WIPF2: variants seen among roughly 807,000 people sequenced by gnomAD.
The protein encoded by WIPF2 is WAS/WASL-interacting protein family member 2.
WIPF2 carries 23 observed loss-of-function variants against 38.8 expected under a neutral mutation model. That is an observed-to-expected ratio of 0.59 (90% CI 0.43 to 0.84). WIPF2 has a LOEUF of 0.84. WIPF2 is among the 40% of genes least tolerant of loss of function. The probability of loss-of-function intolerance (pLI) is 0.00; values close to 1 mark genes in which losing one functional copy is unlikely to be tolerated. For missense variants in WIPF2, 574 were observed against 580.5 expected (o/e 0.99, Z 0.11); for synonymous variants, 210 against 223.2 (o/e 0.94, Z 0.53).
chr17:40,260,725 C>G (rs1413601608), intron 3 of WIPF2, 58 bp downstream of exon 3: 1 of 1,611,356 alleles, frequency 6.2e-7, no homozygotes, highest in Non-Finnish European at 8.5e-7. Flanking sequence ...GACTTGGAGA[C>G]TTGGCTGGGT....
intron 5 of WIPF2, among the ~76,000 whole-genome samples, chr17:40,271,587 A>T (rs1182009973): frequency 6.6e-6 from 1 of 152,192 alleles, no homozygotes; most frequent in Non-Finnish European, 1.5e-5. Context: ...GGTTGGGAAG[A>T]TACTATGCAG....
chr17:40,220,602 TATATATATATATATATGTATATATATA>T lies in WIPF2; in HGVS notation c.-70+1111_-70+1137del, dbSNP rs2030170660. 4.3e-5 allele frequency: 4 copies of T among 94,034 alleles called. No individual in the cohort carries two copies. The South Asian group carries it at 9.0e-4, about 21-fold the overall frequency. The allele number at this position is 94,034 out of a possible 1,614,324, so 5.8% of individuals were successfully genotyped here. A position where few individuals can be genotyped will look rare whatever the true frequency, so the allele number is the denominator to read the frequency against. On this transcript the variant is annotated intron_variant, in intron 1 of 7. Transcript: ENST00000323571. ...ATATATATATATATATATATATATATATATATATATATATATGTATATATATATATTTTTTTGTTGTTGTTGTTGGAG... is the reference window on the plus strand; with the variant it reads ...ATATATATATATATATATATATATATTATTTTTTTGTTGTTGTTGTTGGAG...
rs763539137 is a variant in WIPF2 at position 40,264,590 on chromosome 17, A to T, written c.414A>T (p.Thr138=). The T allele has an allele frequency of 1.9e-6, 3 of 1,614,134 alleles. No homozygotes were observed. ...CCAGCGGGCGTCCTCAGGATGATAC[A>T]GACAGCAGCCGGGCCTCACTCCCAG... ...SAASGRPQDD[T]DSSRASLPEL... is the part of the protein sequence containing the mutation. The change falls in exon 5 of 8, where the codon ACA becomes ACT. Residue 138 remains threonine (T), a synonymous_variant. Coordinates refer to ENST00000323571, the MANE Select transcript of WIPF2 (RefSeq NM_133264.5).
chr17:40,220,631 A>ATATATATTTTT (rs1567705944), intron 1 of WIPF2: 1 of 123,990 alleles, frequency 8.1e-6, no homozygotes, highest in African/African-American at 3.2e-5. Context: ...ATATATATAT[A>ATATATATTTTT]TTTTTTTGTT....
chr17:40,225,863 C>G (rs1381898409), intron 1 of WIPF2, among the ~76,000 whole-genome samples: 1 of 151,928 alleles, frequency 6.6e-6, no homozygotes, highest in Non-Finnish European at 1.5e-5. Context: ...CCATGTTGCC[C>G]AGCCTGGTCT....
At position 40,219,368 on chromosome 17, in the gene WIPF2, TGGCGGCGGCGGCGGCGGCGGCGGCGGC is replaced by T. The variant is rs60253561; in HGVS notation, c.-189_-163del. 2.7e-6 allele frequency: 1 copy of T among 371,842 alleles called. No individual in the cohort carries two copies. The highest frequency in any genetic ancestry group is 5.1e-6 in the Non-Finnish European group (1 of 195,900). 23.0% of individuals were successfully genotyped at this position (371,842 alleles called of 1,614,324 possible). A position where few individuals can be genotyped will look rare whatever the true frequency, so the allele number is the denominator to read the frequency against. On this transcript the variant is annotated 5_prime_UTR_variant, in exon 1 of 8. Coordinates refer to ENST00000323571, the MANE Select transcript of WIPF2 (RefSeq NM_133264.5). The stretch of plus-strand genomic sequence containing the variant: ...ATTTCCGGGTTGGCAAAAGGGGCGG[TGGCGGCGGCGGCGGCGGCGGCGGCGGC>T]GGCGACGGCGAGAAAGAGCTTGCCG...
intron 3 of WIPF2, among the ~76,000 whole-genome samples, chr17:40,261,913 A>ATCCGCCCGCC (rs1248560849): frequency 7.2e-6 from 1 of 138,758 alleles, no homozygotes; most frequent in Non-Finnish European, 1.6e-5. Context: ...TGACCTCATG[A>ATCCGCCCGCC]TCCGCCCGCC....
Position 40,227,384 on chromosome 17 carries a change from A to T in WIPF2, c.-70+7892A>T, listed in dbSNP as rs193010476. Among the ~76,000 whole-genome samples the T allele has an allele frequency of 3.4e-3, 513 of 152,246 alleles. 5 individuals carry two copies. The highest frequency in any genetic ancestry group is 0.012 in the African/African-American group (490 of 41,544). The stretch of plus-strand genomic sequence containing the variant: ...AAATAATACAAAATTTAAAAGATAA[A>T]AAAGTATATAAGCAGGATGGTGGCC... On this transcript the variant is annotated intron_variant, in intron 1 of 7. Coordinates refer to ENST00000323571, the MANE Select transcript of WIPF2 (RefSeq NM_133264.5).
At chr17:40,250,078 C>T (rs1280729681) in intron 1 of WIPF2, among the ~76,000 whole-genome samples, 2 of 150,962 alleles carry the variant, frequency 1.3e-5, no homozygotes, top group South Asian at 2.1e-4. Flanking sequence ...GTGATCTGCC[C>T]GCCTCAGCCC....
Position 40,264,870 on chromosome 17 carries a change from C to G in WIPF2, c.694C>G (p.Pro232Ala), listed in dbSNP as rs764007862. The stretch of plus-strand genomic sequence containing the variant: ...ACCTCCTGCTCCACCCCCAGTCAAA[C>G]CACCTCCTTCCCCTGTGAATATCAG... The part of the protein sequence containing the change: ...EGPPAPPPVK[P>A]PPSPVNIRTG... The change falls in exon 5 of 8, where the codon CCA becomes GCA. Residue 232 changes from proline to alanine, a missense_variant. By Grantham distance (27) the Pro-to-Ala change is conservative. Coordinates refer to ENST00000323571, the MANE Select transcript of WIPF2 (RefSeq NM_133264.5). The G allele has an allele frequency of 3.1e-6, 5 of 1,614,092 alleles. No homozygotes were observed. The highest frequency in any genetic ancestry group is 4.2e-6 in the Non-Finnish European group (5 of 1,180,048).
chr17:40,245,487 C>T lies in WIPF2; in HGVS notation c.-69-10904C>T, dbSNP rs150868342. On this transcript the variant is annotated intron_variant, in intron 1 of 7. Transcript: ENST00000323571. ...CCTCCTGAGTAGCTGGGATTACAGG[C>T]GCCCGCCACCATGCTTGGCTGACTT... Among the ~76,000 whole-genome samples, 866 of 152,022 alleles carry T rather than the reference C, an allele frequency of 5.7e-3. 7 individuals carry two copies. The highest frequency in any genetic ancestry group is 0.02 in the African/African-American group (834 of 41,466).
At chr17:40,239,691 CTTT>C (rs748169841) in intron 1 of WIPF2, among the ~76,000 whole-genome samples, 7 of 107,162 alleles carry the variant, frequency 6.5e-5, no homozygotes, top group Admixed American at 2.0e-4. Flanking sequence ...TTCAGCTTTT[CTTT>C]TTTTTTTTTT....
intron 1 of WIPF2, among the ~76,000 whole-genome samples, chr17:40,254,278 A>G (rs1382611935): frequency 6.6e-6 from 1 of 152,002 alleles, no homozygotes; most frequent in Admixed American, 6.6e-5. Context: ...CCATCTCCCA[A>G]AGTGTTGGGA....
intron 1 of WIPF2, among the ~76,000 whole-genome samples, chr17:40,255,550 C>T (rs963351066): frequency 6.6e-6 from 1 of 151,822 alleles, no homozygotes; most frequent in African/African-American, 2.4e-5. Context: ...GCCTTGAACT[C>T]CCAATCTCAG....
At chr17:40,220,218 C>A (rs565397248) in intron 1 of WIPF2, among the ~76,000 whole-genome samples, 3 of 151,716 alleles carry the variant, frequency 2.0e-5, no homozygotes, top group Admixed American at 6.6e-5. Flanking sequence ...CTCAAGCGAT[C>A]TTCCCACCTT....
chr17:40,280,434 G>GCA lies in WIPF2; in HGVS notation c.*2210_*2211insAC. 1 of 153,192 alleles carries GCA rather than the reference G, an allele frequency of 6.5e-6. No homozygotes were observed. The highest frequency in any genetic ancestry group is 6.5e-5 in the Admixed American group (1 of 15,284). The allele number at this position is 153,192 out of a possible 1,614,324, so 9.5% of individuals were successfully genotyped here. A position where few individuals can be genotyped will look rare whatever the true frequency, so the allele number is the denominator to read the frequency against. ...CAGTGAGTGGAGATGGCGCCACTGC[G>GCA]CTCCAGCCCGGGTGACAGAGTGAAA... On this transcript the variant is annotated 3_prime_UTR_variant, in exon 8 of 8. Transcript: ENST00000323571.
Position 40,268,097 on chromosome 17 carries a change from G to C in WIPF2, c.970+2951G>C, listed in dbSNP as rs188185290. On this transcript the variant is annotated intron_variant, in intron 5 of 7. Coordinates refer to ENST00000323571, the MANE Select transcript of WIPF2 (RefSeq NM_133264.5). Reference sequence around the variant, plus strand: ...TGGGAGGTGGAGGCTGCAGTGAGCTGTATTAGTGCCACTGCACTTCAGCCT... The same window carrying C: ...TGGGAGGTGGAGGCTGCAGTGAGCTCTATTAGTGCCACTGCACTTCAGCCT... 2.3e-3 allele frequency among the ~76,000 whole-genome samples: 357 copies of C among 152,240 alleles called. 7 individuals are homozygous for C. Among genetic ancestry groups the C allele is most frequent in the Non-Finnish European group, 3.8e-4 (26 of 68,006 alleles).
At chr17:40,229,957 T>C (rs568178716) in intron 1 of WIPF2, among the ~76,000 whole-genome samples, 7 of 152,084 alleles carry the variant, frequency 4.6e-5, no homozygotes, top group African/African-American at 1.7e-4. Context: ...TTTTGAGGAA[T>C]TGAAAGAGGT....
chr17:40,225,822 A>G (rs1020375877), intron 1 of WIPF2, among the ~76,000 whole-genome samples: 7 of 151,888 alleles, frequency 4.6e-5, no homozygotes, highest in African/African-American at 1.7e-4. Context: ...ATGCCTCACT[A>G]ATTTTTATTT....
Sources: gnomAD v4.1 joint callset for allele counts (sites outside exome capture counted in the v4.1 genomes callset) on GRCh38, gnomAD v4.1.1 for gene constraint, MANE v1.5 for transcripts, NCBI Gene and HGNC (gene_info 2026-07-23, HGNC 2026-07-21) for gene names.